The following KYNU variants were observed in gnomAD, a reference collection of about 807,000 sequenced individuals.
KYNU encodes kynureninase, also known as L-kynurenine hydrolase.
In KYNU, 54 loss-of-function variants were observed where a neutral mutation model predicts 59.2. The observed-to-expected ratio is 0.91, with a 90% CI of 0.73 to 1.14. The LOEUF is 1.14. KYNU is among the 50% of genes most tolerant of loss of function. The pLI, the probability that KYNU is intolerant of heterozygous loss-of-function variation, is 0.00. For missense variants in KYNU, 567 were observed against 554.4 expected (o/e 1.02, Z -0.23); for synonymous variants, 177 against 192.0 (o/e 0.92, Z 0.65).
rs1687087845 is a variant in KYNU at position 143,042,604 on chromosome 2, A to ATG, written c.*433_*434insGT. The ATG allele has an allele frequency of 5.0e-4, 5 of 9,918 alleles. No homozygotes were observed. In the South Asian group the frequency reaches 0.014, roughly 28 times the overall value. 0.6% of individuals were successfully genotyped at this position (9,918 alleles called of 1,614,324 possible). ...GTCTGATATATATATATATATATATATATATATATATATATATATATATAT... is the reference window on the plus strand; with the variant it reads ...GTCTGATATATATATATATATATATATGTATATATATATATATATATATATAT... On this transcript the variant is annotated 3_prime_UTR_variant, in exon 14 of 14. Coordinates refer to ENST00000264170, the MANE Select transcript of KYNU (RefSeq NM_003937.3).
chr2:143,040,523 T>C lies in KYNU; in HGVS notation c.1137T>C (p.Asp379=), dbSNP rs1315638330. ...EYLIKHNYGK[D]KAATKKPVVN... is the part of the protein sequence containing the mutation. ...TGATCAAGCATAACTATGGCAAAGATAAAGCAGCAACCAAGAAACCAGTTG... is the reference window on the plus strand; with the variant it reads ...TGATCAAGCATAACTATGGCAAAGACAAAGCAGCAACCAAGAAACCAGTTG... The change falls in exon 13 of 14, where the codon GAT becomes GAC. Residue 379 remains aspartate, a synonymous_variant. Coordinates refer to ENST00000264170, the MANE Select transcript of KYNU (RefSeq NM_003937.3). 3 of 1,613,202 alleles carry C rather than the reference T, an allele frequency of 1.9e-6. No individual in the cohort carries two copies. The highest frequency in any genetic ancestry group is 2.7e-5 in the African/African-American group (2 of 74,884).
At chr2:142,969,246 A>G (rs544637005) in intron 8 of KYNU, among the ~76,000 whole-genome samples, 3 of 152,200 alleles carry the variant, frequency 2.0e-5, no homozygotes, top group Non-Finnish European at 4.4e-5. Context: ...GTACGTGTAT[A>G]TATATACTTG....
At chr2:143,037,377 A>C (rs1049703383) in intron 12 of KYNU, among the ~76,000 whole-genome samples, 1 of 152,242 alleles carries the variant, frequency 6.6e-6, no homozygotes, top group Non-Finnish European at 1.5e-5. Flanking sequence ...ATTTATGTGT[A>C]GCGATAGGTA....
At chr2:142,928,570 T>C (rs1385492634) in intron 4 of KYNU, among the ~76,000 whole-genome samples, 3 of 151,982 alleles carry the variant, frequency 2.0e-5, no homozygotes, top group African/African-American at 7.3e-5. Context: ...GGAAGGGAAA[T>C]GGAGTGGGGA....
rs1295330472 is a variant in KYNU at position 143,049,797 on chromosome 2, TATG to T, written c.*7629_*7631del. On this transcript the variant is annotated 3_prime_UTR_variant, in exon 14 of 14. Coordinates refer to ENST00000264170, the MANE Select transcript of KYNU (RefSeq NM_003937.3). ...ACAGTTGTTTCTGTTGGAGTTCACATATGATGCCTTGTTTCCTTTGTAGTTTTG... is the reference window on the plus strand; with the variant it reads ...ACAGTTGTTTCTGTTGGAGTTCACATATGCCTTGTTTCCTTTGTAGTTTTG... The T allele has an allele frequency of 1.3e-5, 2 of 152,300 alleles. No homozygotes were observed. Among genetic ancestry groups the T allele is most frequent in the African/African-American group, 2.4e-5 (1 of 41,582 alleles). 9.4% of individuals were successfully genotyped at this position (152,300 alleles called of 1,614,324 possible).
In KYNU at chr2:143,043,481, G is replaced by A. The variant is rs1227014087; in HGVS notation, c.*1309G>A. The stretch of plus-strand genomic sequence containing the variant: ...TAAACAAACTTAGATAAACACTTCG[G>A]ATGGTAGACGTAAACAATAATATGT... On this transcript the variant is annotated 3_prime_UTR_variant, in exon 14 of 14. Coordinates refer to ENST00000264170, the MANE Select transcript of KYNU (RefSeq NM_003937.3). The A allele has an allele frequency of 6.6e-6, 1 of 151,728 alleles. No individual in the cohort carries two copies. The highest frequency in any genetic ancestry group is 6.6e-5 in the Admixed American group (1 of 15,172). The allele number at this position is 151,728 out of a possible 1,614,324, so 9.4% of individuals were successfully genotyped here. A position where few individuals can be genotyped will look rare whatever the true frequency, so the allele number is the denominator to read the frequency against.
intron 8 of KYNU, among the ~76,000 whole-genome samples, chr2:142,981,719 T>C (rs1685057307): frequency 6.6e-6 from 1 of 152,140 alleles, no homozygotes; most frequent in Non-Finnish European, 1.5e-5. Context: ...ATTGTGCTGA[T>C]ATATTGTCCT....
At chr2:142,934,377 AAGTT>A (rs1182460454) in intron 4 of KYNU, among the ~76,000 whole-genome samples, 1 of 152,142 alleles carries the variant, frequency 6.6e-6, no homozygotes, top group Non-Finnish European at 1.5e-5. Flanking sequence ...GAGTAGAAGA[AAGTT>A]AGAAGCCCCA....
chr2:143,033,065 C>T (rs962222269), intron 11 of KYNU, among the ~76,000 whole-genome samples, 171 bp from the exon 12 acceptor site: 9 of 152,032 alleles, frequency 5.9e-5, no homozygotes, highest in Non-Finnish European at 8.8e-5. Flanking sequence ...TGCTGGTAAA[C>T]GGGAAATAAC....
At chr2:143,022,616 T>C (rs1434900809) in intron 10 of KYNU, among the ~76,000 whole-genome samples, 1 of 152,050 alleles carries the variant, frequency 6.6e-6, no homozygotes, top group Non-Finnish European at 1.5e-5. Context: ...AAAGTATTGA[T>C]AGAATTTCCC....
Position 143,042,054 on chromosome 2 carries a change from A to G in KYNU, c.1280A>G (p.Lys427Arg), listed in dbSNP as rs765680152. Reference protein sequence around the residue: ...ELEKRGVVCDKRNPNGIRVAP... With the variant: ...ELEKRGVVCDRRNPNGIRVAP... ...TTTATTTTTTCCCCACAGTGTGACA[A>G]GCGGAATCCAAATGGCATTCGAGTG... is the stretch of plus-strand genomic sequence containing the variant. The change falls in exon 14 of 14, where the codon AAG becomes AGG. Residue 427 changes from lysine (K) to arginine (R), a missense_variant. Coordinates refer to ENST00000264170, the MANE Select transcript of KYNU (RefSeq NM_003937.3). The G allele has an allele frequency of 3.1e-6, 5 of 1,611,754 alleles. No individual in the cohort carries two copies. Among genetic ancestry groups the G allele is most frequent in the East Asian group, 2.2e-5 (1 of 44,806 alleles).
intron 2 of KYNU, among the ~76,000 whole-genome samples, chr2:142,910,857 CT>C (rs1312310027): frequency 6.6e-6 from 1 of 152,140 alleles, no homozygotes; most frequent in Non-Finnish European, 1.5e-5. Flanking sequence ...TTTTTGTCAA[CT>C]TTGTTAAAGA....
At position 142,901,136 on chromosome 2, in the gene KYNU, CCTGA is replaced by C. The variant is rs573192373; in HGVS notation, c.169+15603_169+15606del. Reference sequence around the variant, plus strand: ...TATTTTTTTGACACACTTCACAGGCCCTGACTATCTGCTTGTTAGTTTTGAAAAA... The same window carrying C: ...TATTTTTTTGACACACTTCACAGGCCCTATCTGCTTGTTAGTTTTGAAAAA... On this transcript the variant is annotated intron_variant, in intron 2 of 13. Coordinates refer to ENST00000264170, the MANE Select transcript of KYNU (RefSeq NM_003937.3). 2.9e-3 allele frequency among the ~76,000 whole-genome samples: 441 copies of C among 151,778 alleles called. 5 individuals are homozygous for C. Among genetic ancestry groups the C allele is most frequent in the African/African-American group, 0.01 (420 of 41,340 alleles).
intron 11 of KYNU, 29 bp from the exon 12 acceptor site, chr2:143,033,207 A>G (rs769049133): frequency 2.6e-5 from 38 of 1,474,562 alleles, no homozygotes; most frequent in African/African-American, 5.5e-5. Context: ...GTTACCTTCT[A>G]TGATAATGAC....
intron 3 of KYNU, among the ~76,000 whole-genome samples, chr2:142,919,475 T>G (rs891318208): frequency 1.3e-5 from 2 of 152,228 alleles, no homozygotes; most frequent in Non-Finnish European, 2.9e-5. Context: ...AATATGAAGA[T>G]GAGCCAAACT....
chr2:142,965,463 T>C (rs1684497901), intron 8 of KYNU, among the ~76,000 whole-genome samples: 1 of 152,156 alleles, frequency 6.6e-6, no homozygotes, highest in Non-Finnish European at 1.5e-5. Context: ...GCTGCTGGGG[T>C]CCACTCAGCA....
intron 10 of KYNU, among the ~76,000 whole-genome samples, chr2:143,018,874 A>T (rs967811846): frequency 6.6e-6 from 1 of 151,728 alleles, no homozygotes; most frequent in African/African-American, 2.4e-5. Context: ...TAGGTATTTT[A>T]TTTATTTATT....
intron 4 of KYNU, among the ~76,000 whole-genome samples, chr2:142,942,296 A>G (rs1462991810): frequency 6.6e-6 from 1 of 152,192 alleles, no homozygotes; most frequent in Non-Finnish European, 1.5e-5. Flanking sequence ...TTGGTTACTA[A>G]GAAGTTCTGA....
At chr2:142,896,692 G>A (rs1275219853) in intron 2 of KYNU, among the ~76,000 whole-genome samples, 1 of 151,934 alleles carries the variant, frequency 6.6e-6, no homozygotes, top group African/African-American at 2.4e-5. Context: ...TCGCTTTGTT[G>A]CCCAGACTGG....
Sources: gnomAD v4.1 joint callset for allele counts (sites outside exome capture counted in the v4.1 genomes callset) on GRCh38, gnomAD v4.1.1 for gene constraint, MANE v1.5 for transcripts, NCBI Gene and HGNC (gene_info 2026-07-23, HGNC 2026-07-21) for gene names.